The following RPGRIP1L variants were observed in gnomAD, a reference collection of about 807,000 sequenced individuals.
The protein encoded by RPGRIP1L is protein fantom.
RPGRIP1L carries 131 observed loss-of-function variants against 160.4 expected under a neutral mutation model. That is an observed-to-expected ratio of 0.82 (90% confidence interval 0.71 to 0.94). The LOEUF (loss-of-function observed/expected upper bound fraction) is 0.94. Ranked by LOEUF, RPGRIP1L falls within the 40% of genes least tolerant of loss-of-function variation. RPGRIP1L has a pLI of 0.00. For synonymous variants in RPGRIP1L, 510 were observed against 515.8 expected (o/e 0.99, Z 0.15); for missense variants, 1,522 against 1,535.8 (o/e 0.99, Z 0.15).
intron 2 of RPGRIP1L, among the ~76,000 whole-genome samples, chr16:53,700,437 T>C (rs1333166833): frequency 6.6e-6 from 1 of 152,248 alleles, no homozygotes; most frequent in African/African-American, 2.4e-5. Context: ...GGGGGGACTG[T>C]ACATTTTCTA....
chr16:53,657,719 TC>T, intron 12 of RPGRIP1L, 87 bp from the exon 13 acceptor site: 4 of 743,554 alleles, frequency 5.4e-6, no homozygotes, highest in Non-Finnish European at 6.5e-6. Context: ...AATAAATAAT[TC>T]ATTGATTGAT....
chr16:53,642,748 T>C (rs1275483852), intron 17 of RPGRIP1L, among the ~76,000 whole-genome samples: 2 of 152,214 alleles, frequency 1.3e-5, no homozygotes, highest in Non-Finnish European at 2.9e-5. Flanking sequence ...ACTCCCATTT[T>C]GGAGAATTTC....
intron 22 of RPGRIP1L, among the ~76,000 whole-genome samples, chr16:53,625,388 T>TG (rs968338195): frequency 9.9e-4 from 140 of 141,992 alleles, no homozygotes; most frequent in Middle Eastern, 3.6e-3. Flanking sequence ...GTCTGGGAAC[T>TG]GGGGGGGGCG....
chr16:53,682,112 C>T (rs1969655587), intron 6 of RPGRIP1L, among the ~76,000 whole-genome samples: 1 of 152,042 alleles, frequency 6.6e-6, no homozygotes, highest in African/African-American at 2.4e-5. Flanking sequence ...AAGCTATTTC[C>T]TCAATTTCAA....
intron 4 of RPGRIP1L, among the ~76,000 whole-genome samples, chr16:53,690,531 C>T (rs10451120): frequency 0.011 from 1,637 of 152,158 alleles, 17 homozygotes; most frequent in Middle Eastern, 0.054. Context: ...TGTCTCACTA[C>T]GTCGCCCAGG....
chr16:53,632,424 T>C (rs1215978925), intron 22 of RPGRIP1L, among the ~76,000 whole-genome samples: 5 of 152,328 alleles, frequency 3.3e-5, no homozygotes, highest in Admixed American at 6.5e-5. Flanking sequence ...TTTTACATTA[T>C]TGACAGCATG....
chr16:53,677,986 T>C (rs903262149), intron 6 of RPGRIP1L, among the ~76,000 whole-genome samples: 4 of 152,182 alleles, frequency 2.6e-5, no homozygotes, highest in African/African-American at 9.6e-5. Flanking sequence ...AAATCACACA[T>C]GCTGCATTAC....
At chr16:53,624,220 T>G (rs1964922159) in intron 22 of RPGRIP1L, among the ~76,000 whole-genome samples, 1 of 152,212 alleles carries the variant, frequency 6.6e-6, no homozygotes, top group African/African-American at 2.4e-5. Flanking sequence ...TTGCCAGAAC[T>G]ATGTGAAGCT....
rs548915406 is a variant in RPGRIP1L at position 53,671,670 on chromosome 16, G to A, written c.1030-87C>T. 91 of 685,940 alleles carry A rather than the reference G, an allele frequency of 1.3e-4. 1 individual carries two copies. The East Asian group carries it at 2.5e-3, about 19-fold the overall frequency. The allele number at this position is 685,940 out of a possible 1,614,324, so 42.5% of individuals were successfully genotyped here. ...AAAAACATTAAAAAACTCTATATGA[G>A]AGAAGGTTAACATGTTTTAATCTCG... On this transcript the variant is annotated intron_variant, in intron 8 of 26. Coordinates refer to ENST00000647211, the MANE Select transcript of RPGRIP1L (RefSeq NM_015272.5).
At chr16:53,625,479 G>GA (rs1555593189) in intron 22 of RPGRIP1L, among the ~76,000 whole-genome samples, 2 of 146,526 alleles carry the variant, frequency 1.4e-5, no homozygotes, top group Non-Finnish European at 3.0e-5. Flanking sequence ...GGGGGCTGGG[G>GA]GGGGCGCGCC....
chr16:53,695,163 C>T, intron 3 of RPGRIP1L: 2 of 563,690 alleles, frequency 3.5e-6, no homozygotes, highest in South Asian at 5.0e-5. Flanking sequence ...ACCAATTAGG[C>T]TTACAAAGAA....
chr16:53,629,749 G>T (rs1417063523), intron 22 of RPGRIP1L, among the ~76,000 whole-genome samples: 2 of 151,640 alleles, frequency 1.3e-5, no homozygotes, highest in Non-Finnish European at 2.9e-5. Flanking sequence ...TTTTTTTTCT[G>T]TAAAAGGATG....
chr16:53,631,732 C>G (rs908477371), intron 22 of RPGRIP1L, among the ~76,000 whole-genome samples: 21 of 152,288 alleles, frequency 1.4e-4, no homozygotes, highest in African/African-American at 4.6e-4. Flanking sequence ...TCTGTCCCCC[C>G]ACACTCGCCA....
intron 23 of RPGRIP1L, among the ~76,000 whole-genome samples, chr16:53,620,444 G>A (rs1964635734): frequency 6.6e-6 from 1 of 152,030 alleles, no homozygotes; most frequent in African/African-American, 2.4e-5. Flanking sequence ...GTAGATTCAT[G>A]GAAATTTTAC....
chr16:53,641,331 ACTT>A lies in RPGRIP1L; in HGVS notation c.2825_2827del (p.Glu942del). ...GGATGCTGGAGGAAGTCTTTGAACA[ACTT>A]CTGGCTCTTCGCTGCGAATGAAATT... On this transcript the variant is annotated inframe_deletion, in exon 18 of 27. Coordinates refer to ENST00000647211, the MANE Select transcript of RPGRIP1L (RefSeq NM_015272.5). 1 of 1,614,100 alleles carries A rather than the reference ACTT, an allele frequency of 6.2e-7. No individual in the cohort carries two copies. Among genetic ancestry groups the A allele is most frequent in the Non-Finnish European group, 8.5e-7 (1 of 1,179,994 alleles).
intron 1 of RPGRIP1L, among the ~76,000 whole-genome samples, chr16:53,702,447 A>G (rs1011598796): frequency 6.6e-6 from 1 of 152,200 alleles, no homozygotes; most frequent in African/African-American, 2.4e-5. Context: ...AAAACCCTGC[A>G]CAATGCTGCA....
intron 4 of RPGRIP1L, among the ~76,000 whole-genome samples, chr16:53,691,273 TTAAGA>T (rs1376277225): frequency 6.6e-6 from 1 of 152,192 alleles, no homozygotes; most frequent in Non-Finnish European, 1.5e-5. Context: ...AAAACGTTAC[TTAAGA>T]TATTTATTGA....
intron 21 of RPGRIP1L, among the ~76,000 whole-genome samples, chr16:53,636,941 GAC>G (rs34373919): frequency 0.28 from 40,225 of 141,554 alleles, 5,821 homozygotes; most frequent in East Asian, 0.41. Flanking sequence ...TGCAATATTT[GAC>G]ACACACACAC....
chr16:53,702,673 A>C (rs1348028889), intron 1 of RPGRIP1L, among the ~76,000 whole-genome samples: 1 of 144,810 alleles, frequency 6.9e-6, no homozygotes, highest in African/African-American at 2.6e-5. Context: ...TTCACTGTTT[A>C]TTTCTTTTCT....
Sources: gnomAD v4.1 joint callset for allele counts (sites outside exome capture counted in the v4.1 genomes callset) on GRCh38, gnomAD v4.1.1 for gene constraint, MANE v1.5 for transcripts, NCBI Gene and HGNC (gene_info 2026-07-23, HGNC 2026-07-21) for gene names.